Variants in SEMA4C observed in about 807,000 individuals in gnomAD.
SEMA4C encodes the protein semaphorin 4C.
A neutral mutation model predicts 89.0 loss-of-function variants in SEMA4C; 19 were observed. The observed-to-expected ratio is 0.21, with a 90% CI of 0.15 to 0.31. The LOEUF is 0.31. Ranked by LOEUF, SEMA4C falls within the 10% of genes least tolerant of loss-of-function variation. The pLI is 1.00. For synonymous variants in SEMA4C, 428 were observed against 472.7 expected (o/e 0.91, Z 1.23); for missense variants, 811 against 1,107.0 (o/e 0.73, Z 3.79).
Position 96,867,866 on chromosome 2 carries a change from G to T in SEMA4C, c.21C>A (p.Val7=). ...CCCACAGCCTTGCTGCCAGCAGCCA[G>T]ACAGCCCAGTGTGGGGCCATGGCGC... The part of the protein sequence containing the change: MAPHWA[V]WLLAARLWGL... The change falls in exon 2 of 15, where the codon GTC becomes GTA. Residue 7 remains valine (V), a synonymous_variant. Coordinates refer to ENST00000305476, the MANE Select transcript of SEMA4C (RefSeq NM_017789.5). 3.1e-6 allele frequency: 5 copies of T among 1,613,642 alleles called. No individual in the cohort carries two copies. Among genetic ancestry groups the T allele is most frequent in the Non-Finnish European group, 4.2e-6 (5 of 1,180,008 alleles).
At position 96,869,872 on chromosome 2, in the gene SEMA4C, T is replaced by A; in HGVS notation, c.-38+4A>T. 3.0e-6 allele frequency: 3 copies of A among 985,510 alleles called. No homozygotes were observed. Among genetic ancestry groups the A allele is most frequent in the Non-Finnish European group, 3.6e-6 (3 of 830,070 alleles). 61.0% of individuals were successfully genotyped at this position (985,510 alleles called of 1,614,324 possible). A position where few individuals can be genotyped will look rare whatever the true frequency, so the allele number is the denominator to read the frequency against. ...CAGCCTCACGCAAGCCCGGCCTCGC[T>A]CACCTATTGCGCGCAGCTCCAGTCC... On this transcript the variant is annotated splice_donor_region_variant and intron_variant, in intron 1 of 14. Transcript: ENST00000305476.
chr2:96,860,859 C>A lies in SEMA4C; in HGVS notation c.2269G>T (p.Gly757Trp). The A allele has an allele frequency of 6.2e-7, 1 of 1,613,148 alleles. No homozygotes were observed. The highest frequency in any genetic ancestry group is 8.5e-7 in the Non-Finnish European group (1 of 1,180,002). The change falls in exon 15 of 15, where the codon GGG becomes TGG. Residue 757 changes from glycine to tryptophan, a missense_variant. Gly to Trp is a radical substitution (Grantham distance 184). Around this residue, in one of 4 missense-constraint regions of SEMA4C, gnomAD observed 248 missense variants for 269.0 expected, o/e 0.92. Coordinates refer to ENST00000305476, the MANE Select transcript of SEMA4C (RefSeq NM_017789.5). ...ATGCCTGGAGGTGGCGAAGGGGGCC[C>A]CCCACCGGGCTGGCACCGGGCATGC... is the stretch of plus-strand genomic sequence containing the variant. ...PGHARCQPGG[G>W]PPSPPPGIPG...
At chr2:96,868,102 C>G (rs75304484) in intron 1 of SEMA4C, among the ~76,000 whole-genome samples, 179 bp from the exon 2 acceptor site, 11,489 of 152,284 alleles carry the variant, frequency 0.075, 1,442 homozygotes, top group African/African-American at 0.26. Context: ...TAAAAGACCA[C>G]AGGTCTCCCT....
At chr2:96,866,582 G>A in intron 2 of SEMA4C, 151 bp from the exon 3 acceptor site, 1 of 1,108,770 alleles carries the variant, frequency 9.0e-7, no homozygotes, top group Non-Finnish European at 1.3e-6. Context: ...AACAGCCTTT[G>A]GCCCTGACAG....
chr2:96,867,941 A>G lies in SEMA4C; in HGVS notation c.-37-18T>C, dbSNP rs2080118711. ...CAGCTGTCCTGCTGAGGGAAAAGAC[A>G]TGGTCAGAAATCACAGCCAGAGAAA... On this transcript the variant is annotated intron_variant, in intron 1 of 14. Transcript: ENST00000305476. 5.0e-6 allele frequency: 8 copies of G among 1,612,056 alleles called. No homozygotes were observed. The highest frequency in any genetic ancestry group is 2.5e-6 in the Non-Finnish European group (3 of 1,179,758).
Position 96,863,918 on chromosome 2 carries a change from G to C in SEMA4C, c.1330+8C>G. 1 of 1,603,112 alleles carries C rather than the reference G, an allele frequency of 6.2e-7. No homozygotes were observed. Among genetic ancestry groups the C allele is most frequent in the South Asian group, 1.1e-5 (1 of 90,312 alleles). On this transcript the variant is annotated splice_region_variant and intron_variant, in intron 11 of 14. Transcript: ENST00000305476. ...TGAGCAGCCATGCCTGCATACCCATGCACCCACCTGTGCCAATGAACAGCA... is the reference window on the plus strand; with the variant it reads ...TGAGCAGCCATGCCTGCATACCCATCCACCCACCTGTGCCAATGAACAGCA...
chr2:96,868,503 CG>C, intron 1 of SEMA4C: 1 of 988,104 alleles, frequency 1.0e-6, no homozygotes, highest in African/African-American at 1.7e-5. Flanking sequence ...CCCCAAACCC[CG>C]TTCCACATCA....
At chr2:96,865,830 G>A in intron 4 of SEMA4C, 37 bp downstream of exon 4, 1 of 1,613,824 alleles carries the variant, frequency 6.2e-7, no homozygotes, top group Non-Finnish European at 8.5e-7. Flanking sequence ...ACGTCCTGGG[G>A]TGAAGGCAGC....
In SEMA4C at chr2:96,864,376, G is replaced by T; in HGVS notation, c.969C>A (p.Asp323Glu). The change falls in exon 10 of 15, where the codon GAC becomes GAA. Residue 323 changes from aspartate to glutamate, a missense_variant. Around this residue, in one of 4 missense-constraint regions of SEMA4C, gnomAD observed 441 missense variants for 664.9 expected, o/e 0.66. Transcript: ENST00000305476. This position sits in a 1 kb window ranked among gnomAD's most constrained non-coding sequence, Gnocchi z 6.3. ...FFGVFQAQWG[D>E]MYLSAICEYQ... ...ACTCACAGATGGCCGACAGGTACAT[G>T]TCACCCCTGTCACAGCGAGAGGGAG... is the stretch of plus-strand genomic sequence containing the variant. The T allele has an allele frequency of 6.2e-7, 1 of 1,613,490 alleles. No homozygotes were observed. Among genetic ancestry groups the T allele is most frequent in the Non-Finnish European group, 8.5e-7 (1 of 1,179,988 alleles).
Position 96,860,672 on chromosome 2 carries a change from T to G in SEMA4C, c.2456A>C (p.Gln819Pro). 1 of 1,612,992 alleles carries G rather than the reference T, an allele frequency of 6.2e-7. No homozygotes were observed. The highest frequency in any genetic ancestry group is 1.1e-5 in the South Asian group (1 of 91,018). Residue 819 changes from glutamine (Q) to proline (P), a missense_variant, in exon 15 of 15, where the codon CAA becomes CCA. Coordinates refer to ENST00000305476, the MANE Select transcript of SEMA4C (RefSeq NM_017789.5). Reference sequence around the variant, plus strand: ...GTTGGAGTCGGGCAGTGGCTGGCGTTGCTGCAGTTTGCGTCTCAGTTCATC... The same window carrying G: ...GTTGGAGTCGGGCAGTGGCTGGCGTGGCTGCAGTTTGCGTCTCAGTTCATC... Reference protein sequence around the residue: ...LADELRRKLQQRQPLPDSNPE... With the variant: ...LADELRRKLQPRQPLPDSNPE...
Position 96,869,928 on chromosome 2 carries a change from C to T in SEMA4C, c.-90G>A. 1.0e-6 allele frequency: 1 copy of T among 986,632 alleles called. No homozygotes were observed. The highest frequency in any genetic ancestry group is 1.7e-5 in the African/African-American group (1 of 57,324). 61.1% of individuals were successfully genotyped at this position (986,632 alleles called of 1,614,324 possible). A position where few individuals can be genotyped will look rare whatever the true frequency, so the allele number is the denominator to read the frequency against. ...CGCCGCCCTCGCGTTCGGCTCTGAC[C>T]GCCGTCCACCCCTGCCCCCGCGTCG... On this transcript the variant is annotated 5_prime_UTR_variant, in exon 1 of 15. Coordinates refer to ENST00000305476, the MANE Select transcript of SEMA4C (RefSeq NM_017789.5).
At position 96,860,299 on chromosome 2, in the gene SEMA4C, T is replaced by TAC. The variant is rs371711785; in HGVS notation, c.*325_*326dup. ...GCGCGCACGCGCGTGCACACACACATACACACACACACAAACACATGTGCA... is the reference window on the plus strand; with the variant it reads ...GCGCGCACGCGCGTGCACACACACATACACACACACACACAAACACATGTGCA... On this transcript the variant is annotated 3_prime_UTR_variant, in exon 15 of 15. Coordinates refer to ENST00000305476, the MANE Select transcript of SEMA4C (RefSeq NM_017789.5). The TAC allele has an allele frequency of 1.8e-4, 65 of 357,102 alleles. No individual in the cohort carries two copies. The South Asian group carries it at 2.0e-3, about 11-fold the overall frequency. The allele number at this position is 357,102 out of a possible 1,614,324, so 22.1% of individuals were successfully genotyped here. A position where few individuals can be genotyped will look rare whatever the true frequency, so the allele number is the denominator to read the frequency against.
Position 96,864,527 on chromosome 2 carries a change from T to C in SEMA4C, c.963-145A>G. 7.2e-7 allele frequency: 1 copy of C among 1,396,396 alleles called. No individual in the cohort carries two copies. Among genetic ancestry groups the C allele is most frequent in the Non-Finnish European group, 9.8e-7 (1 of 1,021,506 alleles). The allele number at this position is 1,396,396 out of a possible 1,614,324, so 86.5% of individuals were successfully genotyped here. On this transcript the variant is annotated intron_variant, in intron 9 of 14. Transcript: ENST00000305476. The surrounding 1 kb of genome is among the most constrained non-coding windows in gnomAD (Gnocchi z 6.3). The stretch of plus-strand genomic sequence containing the variant: ...CTGGCAGCTCAAGTGCCACCTGGCA[T>C]GGGGCCCTGCCCCTTCACAGGCAGC...
At chr2:96,869,607 C>T (rs1409729746) in intron 1 of SEMA4C, 1 of 985,178 alleles carries the variant, frequency 1.0e-6, no homozygotes, top group Non-Finnish European at 1.2e-6. Context: ...GGCCGCGGAC[C>T]GGACCGCGCG....
rs1206968039 is a variant in SEMA4C, at chr2:96,869,317, C to T, written c.-38+559G>A. 7 of 985,346 alleles carry T rather than the reference C, an allele frequency of 7.1e-6. No individual in the cohort carries two copies. The African/African-American group carries it at 1.2e-4, about 17-fold the overall frequency. The allele number at this position is 985,346 out of a possible 1,614,324, so 61.0% of individuals were successfully genotyped here. A position where few individuals can be genotyped will look rare whatever the true frequency, so the allele number is the denominator to read the frequency against. ...GGGTTGGGGGGAGGGGTGCGGGATC[C>T]AGGCGGGGCACCCCACACCCTCGCC... On this transcript the variant is annotated intron_variant, in intron 1 of 14. Transcript: ENST00000305476.
rs183064236 is a variant in SEMA4C, at chr2:96,868,500, C to T, written c.-37-577G>A. ...GACAATAGCCCTGCAGAACCCCAAA[C>T]CCCGTTCCACATCAGCAGGGCAGGA... On this transcript the variant is annotated intron_variant, in intron 1 of 14. Transcript: ENST00000305476. 6,615 of 988,452 alleles carry T rather than the reference C, an allele frequency of 6.7e-3. 28 individuals carry two copies. Among genetic ancestry groups the T allele is most frequent in the Middle Eastern group, 7.8e-3 (15 of 1,924 alleles). 61.2% of individuals were successfully genotyped at this position (988,452 alleles called of 1,614,324 possible).
rs2080027544 is a variant in SEMA4C, at chr2:96,864,635, C to T, written c.962+70G>A. The T allele has an allele frequency of 6.6e-7, 1 of 1,523,476 alleles. No homozygotes were observed. Among genetic ancestry groups the T allele is most frequent in the Non-Finnish European group, 8.9e-7 (1 of 1,129,142 alleles). The allele number at this position is 1,523,476 out of a possible 1,614,324, so 94.4% of individuals were successfully genotyped here. The stretch of plus-strand genomic sequence containing the variant: ...CTGCCTCTGAGGCCTGGTCCAGGCT[C>T]CCACCCATGCACCGTCCCTGACCTG... On this transcript the variant is annotated intron_variant, in intron 9 of 14. Coordinates refer to ENST00000305476, the MANE Select transcript of SEMA4C (RefSeq NM_017789.5). The surrounding 1 kb of genome is among the most constrained non-coding windows in gnomAD (Gnocchi z 6.3).
chr2:96,860,052 C>G lies in SEMA4C; in HGVS notation c.*574G>C, dbSNP rs1346030996. 6.9e-6 allele frequency: 1 copy of G among 145,246 alleles called. No individual in the cohort carries two copies. Among genetic ancestry groups the G allele is most frequent in the Non-Finnish European group, 1.5e-5 (1 of 66,236 alleles). The allele number at this position is 145,246 out of a possible 1,614,324, so 9.0% of individuals were successfully genotyped here. A position where few individuals can be genotyped will look rare whatever the true frequency, so the allele number is the denominator to read the frequency against. On this transcript the variant is annotated 3_prime_UTR_variant, in exon 15 of 15. Coordinates refer to ENST00000305476, the MANE Select transcript of SEMA4C (RefSeq NM_017789.5). ...CCCCACCCTGAAAACATTCACAGCC[C>G]TAGGAGCAGGACTAGGCCCACCCCA...
intron 12 of SEMA4C, chr2:96,862,320 C>G: frequency 5.8e-6 from 1 of 171,668 alleles, no homozygotes; most frequent in South Asian, 1.7e-4. Context: ...CACACACTTT[C>G]TTTCTGCCAT....
Sources: allele counts gnomAD v4.1 joint callset (sites outside exome capture counted in the v4.1 genomes callset), GRCh38; gene constraint gnomAD v4.1.1; regional missense constraint gnomAD v4.1.1; non-coding constraint Gnocchi (gnomAD v3.1); transcripts MANE v1.5; gene names NCBI Gene and HGNC (gene_info 2026-07-23, HGNC 2026-07-21).